MMD: variants seen among roughly 807,000 people sequenced by gnomAD.
The protein encoded by MMD is monocyte to macrophage differentiation associated, also known as monocyte to macrophage differentiation factor.
A neutral mutation model predicts 33.6 loss-of-function variants in MMD; 22 were observed. The ratio of observed to expected loss-of-function variants is 0.66; its 90% CI spans 0.47 to 0.94. The LOEUF (loss-of-function observed/expected upper bound fraction) is 0.94, where lower values mean the gene tolerates loss of function less well. MMD is among the 40% of genes least tolerant of loss of function. The pLI is 0.00. For missense variants in MMD, 242 were observed against 309.8 expected (o/e 0.78, Z 1.64); for synonymous variants, 97 against 103.2 (o/e 0.94, Z 0.36).
chr17:55,415,754 TG>T (rs144145605), intron 1 of MMD, among the ~76,000 whole-genome samples: 3,732 of 152,322 alleles, frequency 0.025, 183 homozygotes, highest in African/African-American at 0.086. Flanking sequence ...GGCCCACTGA[TG>T]GGTTAAGATA....
intron 4 of MMD, chr17:55,404,383 G>C: frequency 1.2e-6 from 1 of 831,222 alleles, no homozygotes; most frequent in Non-Finnish European, 1.5e-6. Context: ...TTTCAACATG[G>C]TTTAAAAATA....
intron 2 of MMD, among the ~76,000 whole-genome samples, chr17:55,413,514 T>C (rs1907845742): frequency 6.6e-6 from 1 of 152,088 alleles, no homozygotes; most frequent in Admixed American, 6.6e-5. Context: ...TGCACCGAAG[T>C]GTTAACAGTT....
At chr17:55,417,672 C>T (rs1454883698) in intron 1 of MMD, among the ~76,000 whole-genome samples, 1 of 152,102 alleles carries the variant, frequency 6.6e-6, no homozygotes, top group Non-Finnish European at 1.5e-5. Context: ...GTAGTGTATG[C>T]CTGTAGCCCC....
intron 3 of MMD, among the ~76,000 whole-genome samples, chr17:55,408,645 C>T (rs1010331119): frequency 6.6e-6 from 1 of 152,082 alleles, no homozygotes; most frequent in African/African-American, 2.4e-5. Flanking sequence ...AGACTTTCCT[C>T]CCCCTACACG....
intron 6 of MMD, 109 bp downstream of exon 6, chr17:55,401,360 T>C (rs1907320577): frequency 2.2e-6 from 2 of 925,840 alleles, no homozygotes; most frequent in Non-Finnish European, 3.2e-6. Context: ...TTTGAGCCTC[T>C]ATTTAATGGA....
At chr17:55,413,141 C>T (rs1172764955) in intron 2 of MMD, among the ~76,000 whole-genome samples, 1 of 152,246 alleles carries the variant, frequency 6.6e-6, no homozygotes, top group South Asian at 2.1e-4. Flanking sequence ...CAGGTTCATC[C>T]GAGTAAATAT....
intron 3 of MMD, among the ~76,000 whole-genome samples, chr17:55,409,334 C>T (rs1285592140): frequency 6.6e-6 from 1 of 152,132 alleles, no homozygotes; most frequent in Admixed American, 6.5e-5. Flanking sequence ...TTTTAAAACT[C>T]CTTGGATGAC....
intron 1 of MMD, among the ~76,000 whole-genome samples, chr17:55,419,239 C>A (rs955469030): frequency 6.6e-6 from 1 of 152,222 alleles, no homozygotes; most frequent in African/African-American, 2.4e-5. Flanking sequence ...ATAAATGGCA[C>A]TCAATAAATA....
chr17:55,407,976 T>C (rs1907620838), intron 3 of MMD, among the ~76,000 whole-genome samples, 156 bp from the exon 4 acceptor site: 1 of 152,362 alleles, frequency 6.6e-6, no homozygotes, highest in Admixed American at 6.5e-5. Context: ...TTGCTGTTAA[T>C]GTTATGAAGT....
Position 55,421,662 on chromosome 17 carries a change from C to T in MMD, c.26+8G>A. 1 of 1,598,816 alleles carries T rather than the reference C, an allele frequency of 6.3e-7. No individual in the cohort carries two copies. On this transcript the variant is annotated splice_region_variant and intron_variant, in intron 1 of 6. Coordinates refer to ENST00000262065, the MANE Select transcript of MMD (RefSeq NM_012329.3). ...CGGGCAGCGGGACCGGGACGCCATC[C>T]CTCTCACCGCTGGAATCGATTCTTG...
intron 1 of MMD, 41 bp downstream of exon 1, chr17:55,421,629 T>C (rs78612327): frequency 0.3 from 479,513 of 1,594,118 alleles, 76,851 homozygotes; most frequent in Admixed American, 0.38. Flanking sequence ...GGGAACCCGC[T>C]TCTGACACGG....
chr17:55,413,907 C>T (rs1907861579), intron 2 of MMD, among the ~76,000 whole-genome samples: 1 of 152,102 alleles, frequency 6.6e-6, no homozygotes, highest in South Asian at 2.1e-4. Context: ...TATTATTATT[C>T]CTTTAAAGAA....
intron 4 of MMD, among the ~76,000 whole-genome samples, chr17:55,406,464 G>C (rs1481223565): frequency 1.3e-5 from 2 of 152,164 alleles, no homozygotes; most frequent in African/African-American, 4.8e-5. Context: ...GAGAGGCTGA[G>C]GCAGGAGAAT....
At chr17:55,396,757 C>T (rs938179341) in intron 6 of MMD, among the ~76,000 whole-genome samples, 6 of 152,014 alleles carry the variant, frequency 3.9e-5, no homozygotes, top group African/African-American at 1.2e-4. Flanking sequence ...GATGGGATTA[C>T]AGGCGTGTGC....
intron 1 of MMD, among the ~76,000 whole-genome samples, chr17:55,417,623 T>A (rs1410249833): frequency 6.6e-6 from 1 of 152,024 alleles, no homozygotes; most frequent in Non-Finnish European, 1.5e-5. Flanking sequence ...AGATCCCATC[T>A]CTACACACAA....
rs546074829 is a variant in MMD at position 55,404,484 on chromosome 17, T to C, written c.345-616A>G. On this transcript the variant is annotated intron_variant, in intron 4 of 6. Coordinates refer to ENST00000262065, the MANE Select transcript of MMD (RefSeq NM_012329.3). ...TTAGGCAGAATGAGGTCAAAACTGC[T>C]TGCCCTTTAATTTCTGACCATGTAT... 1.1e-5 allele frequency: 11 copies of C among 985,444 alleles called. 1 individual carries two copies. The South Asian group carries it at 4.2e-4, about 38-fold the overall frequency. The allele number at this position is 985,444 out of a possible 1,614,324, so 61.0% of individuals were successfully genotyped here.
At chr17:55,409,462 T>C (rs1469502689) in intron 3 of MMD, among the ~76,000 whole-genome samples, 1 of 152,232 alleles carries the variant, frequency 6.6e-6, no homozygotes, top group Admixed American at 6.5e-5. Context: ...CCGACCTCTC[T>C]GACTCTCACT....
chr17:55,413,477 A>T (rs1382839061), intron 2 of MMD, among the ~76,000 whole-genome samples: 1 of 152,204 alleles, frequency 6.6e-6, no homozygotes, highest in Non-Finnish European at 1.5e-5. Context: ...ACACACACAC[A>T]TACACACAAA....
intron 3 of MMD, 77 bp from the exon 4 acceptor site, chr17:55,407,897 G>T: frequency 2.0e-6 from 2 of 998,528 alleles, no homozygotes; most frequent in Non-Finnish European, 2.9e-6. Flanking sequence ...CCACTATGTT[G>T]CAATTTCCAT....
Sources: gnomAD v4.1 joint callset for allele counts (sites outside exome capture counted in the v4.1 genomes callset) on GRCh38, gnomAD v4.1.1 for gene constraint, MANE v1.5 for transcripts, NCBI Gene and HGNC (gene_info 2026-07-23, HGNC 2026-07-21) for gene names.